The following BACH2 variants were observed in gnomAD, a reference collection of about 807,000 sequenced individuals.
BACH2 encodes BACH transcriptional regulator 2.
A neutral mutation model predicts 61.8 loss-of-function variants in BACH2; 5 were observed. The ratio of observed to expected loss-of-function variants is 0.08; its 90% confidence interval spans 0.04 to 0.17. The LOEUF (loss-of-function observed/expected upper bound fraction) is 0.17. Ranked by LOEUF, BACH2 falls within the 10% of genes least tolerant of loss-of-function variation. BACH2 has a pLI of 1.00. For synonymous variants in BACH2, 446 were observed against 440.1 expected (o/e 1.01, Z -0.17); for missense variants, 824 against 1,091.1 (o/e 0.76, Z 3.45).
intron 5 of BACH2, among the ~76,000 whole-genome samples, chr6:90,084,538 G>GT (rs58667089): frequency 0.29 from 40,196 of 138,572 alleles, 6,129 homozygotes; most frequent in East Asian, 0.65. Flanking sequence ...TTTAATTCCA[G>GT]TTTTTTTTTT....
intron 4 of BACH2, among the ~76,000 whole-genome samples, chr6:90,156,243 C>A (rs1784992481): frequency 6.6e-6 from 1 of 152,182 alleles, no homozygotes; most frequent in Admixed American, 6.5e-5. Flanking sequence ...AATTTTAATA[C>A]TTTTGTATAG....
chr6:90,121,172 G>A (rs1003396312), intron 4 of BACH2, among the ~76,000 whole-genome samples: 12 of 152,150 alleles, frequency 7.9e-5, no homozygotes, highest in Admixed American at 4.6e-4. Flanking sequence ...ACCCAAACTC[G>A]AAGAAAAGGC....
chr6:90,182,357 T>C (rs568063417), intron 4 of BACH2, among the ~76,000 whole-genome samples: 2 of 152,350 alleles, frequency 1.3e-5, no homozygotes, highest in African/African-American at 4.8e-5. Flanking sequence ...CTTTTTCCTC[T>C]GCTGGGAAAA....
chr6:90,296,410 G>T (rs2127898024), intron 1 of BACH2, 70 bp downstream of exon 1: 1 of 148,484 alleles, frequency 6.7e-6, no homozygotes, highest in Non-Finnish European at 1.5e-5. Flanking sequence ...CCGCGCGCCC[G>T]CTCCCCCCGC....
chr6:90,021,062 ACC>A (rs1778346055), intron 5 of BACH2, among the ~76,000 whole-genome samples: 1 of 152,034 alleles, frequency 6.6e-6, no homozygotes, highest in South Asian at 2.1e-4. Flanking sequence ...ATACACATAT[ACC>A]CCAATCATCT....
intron 5 of BACH2, among the ~76,000 whole-genome samples, chr6:90,055,879 T>C (rs1324101371): frequency 6.6e-6 from 1 of 152,108 alleles, no homozygotes; most frequent in Non-Finnish European, 1.5e-5. Context: ...CTAAGCTTCA[T>C]AAGTGAAGGA....
At chr6:90,126,886 TA>T (rs1443790614) in intron 4 of BACH2, among the ~76,000 whole-genome samples, 1 of 152,186 alleles carries the variant, frequency 6.6e-6, no homozygotes, top group Non-Finnish European at 1.5e-5. Context: ...AAAGAAAAGA[TA>T]AAACTGCAAA....
At chr6:89,945,572 T>A (rs1419298297) in intron 7 of BACH2, among the ~76,000 whole-genome samples, 2 of 152,210 alleles carry the variant, frequency 1.3e-5, no homozygotes, top group Non-Finnish European at 2.9e-5. Flanking sequence ...GAGTAACTGC[T>A]AATAGGTACA....
At chr6:89,968,749 G>A (rs1395812677) in intron 6 of BACH2, among the ~76,000 whole-genome samples, 12 of 152,186 alleles carry the variant, frequency 7.9e-5, no homozygotes, top group African/African-American at 2.7e-4. Flanking sequence ...AGTGGTTCAC[G>A]CCTATAATCC....
rs183200557 is a variant in BACH2, at chr6:89,954,043, T to C, written c.244-2181A>G. 1.8e-4 allele frequency among the ~76,000 whole-genome samples: 28 copies of C among 152,222 alleles called. 1 individual carries two copies. The East Asian group carries it at 3.5e-3, about 19-fold the overall frequency. On this transcript the variant is annotated intron_variant, in intron 6 of 8. Coordinates refer to ENST00000257749, the MANE Select transcript of BACH2 (RefSeq NM_021813.4). ...AAAAAAGCAAGGAAATGTGTATTTA[T>C]AGGTAACTGAAGAAGATGACAAGAA...
At chr6:90,294,050 T>A (rs1772261520) in intron 1 of BACH2, among the ~76,000 whole-genome samples, 2 of 152,316 alleles carry the variant, frequency 1.3e-5, no homozygotes, top group Middle Eastern at 6.8e-3. Context: ...TTCTTCTTCA[T>A]AGCAGATCCT....
chr6:90,217,980 G>A (rs1173882215), intron 3 of BACH2: 3 of 152,060 alleles, frequency 2.0e-5, no homozygotes, highest in Non-Finnish European at 4.4e-5. Context: ...TTTACCTACC[G>A]CAATTATGGT....
chr6:90,141,761 T>C (rs1784469437), intron 4 of BACH2, among the ~76,000 whole-genome samples: 1 of 152,192 alleles, frequency 6.6e-6, no homozygotes, highest in Non-Finnish European at 1.5e-5. Flanking sequence ...GATTTGTAAG[T>C]GTTTTCTGAA....
intron 2 of BACH2, among the ~76,000 whole-genome samples, chr6:90,256,255 C>T (rs1299881248): frequency 1.3e-5 from 2 of 152,162 alleles, no homozygotes; most frequent in Non-Finnish European, 2.9e-5. Flanking sequence ...CGTTTTCCAG[C>T]CTCCTTTGCA....
chr6:89,942,980 C>T (rs1360868767), intron 7 of BACH2, among the ~76,000 whole-genome samples: 1 of 152,166 alleles, frequency 6.6e-6, no homozygotes, highest in East Asian at 1.9e-4. Context: ...CAGCTTTACA[C>T]ATTTTTTTTC....
rs78284586 is a variant in BACH2 at position 90,036,307 on chromosome 6, C to A, written c.-12-27451G>T. ...AAAACAGGCTCCCTGCATATCCCTG[C>A]AAATTTGCTCTTGGATTCAGAAGTA... On this transcript the variant is annotated intron_variant, in intron 5 of 8. Coordinates refer to ENST00000257749, the MANE Select transcript of BACH2 (RefSeq NM_021813.4). Among the ~76,000 whole-genome samples, 790 of 151,886 alleles carry A rather than the reference C, an allele frequency of 5.2e-3. 49 individuals carry two copies. The East Asian group carries it at 0.14, about 26-fold the overall frequency.
chr6:90,098,113 G>C (rs1782455054), intron 4 of BACH2, among the ~76,000 whole-genome samples: 1 of 152,128 alleles, frequency 6.6e-6, no homozygotes, highest in South Asian at 2.1e-4. Context: ...TTCTTGGAAA[G>C]ACAGGCATTT....
intron 3 of BACH2, among the ~76,000 whole-genome samples, chr6:90,245,888 A>G (rs1254628867): frequency 1.3e-5 from 2 of 152,190 alleles, no homozygotes; most frequent in Non-Finnish European, 2.9e-5. Flanking sequence ...CTCTCCAGGA[A>G]TTTTCTCCAA....
rs1772404584 is a variant in BACH2 at position 90,296,619 on chromosome 6, C to G, written c.-585G>C. 2.0e-5 allele frequency: 3 copies of G among 152,296 alleles called. No individual in the cohort carries two copies. The highest frequency in any genetic ancestry group is 1.3e-4 in the Admixed American group (2 of 15,224). The allele number at this position is 152,296 out of a possible 1,614,324, so 9.4% of individuals were successfully genotyped here. On this transcript the variant is annotated 5_prime_UTR_variant, in exon 1 of 9. Coordinates refer to ENST00000257749, the MANE Select transcript of BACH2 (RefSeq NM_021813.4). ...GGAGGGGACGCGCATCACATGGCAG[C>G]TCGTTCCCAGCCCCCCGAGTGCGCC...
Sources: allele counts gnomAD v4.1 joint callset (sites outside exome capture counted in the v4.1 genomes callset), GRCh38; gene constraint gnomAD v4.1.1; transcripts MANE v1.5; gene names NCBI Gene and HGNC (gene_info 2026-07-23, HGNC 2026-07-21).